The following UGT2A1 variants were observed in gnomAD, a reference collection of about 807,000 sequenced individuals.
The protein encoded by UGT2A1 is UDP-glucuronosyltransferase 2A1.
Under a neutral mutation model 45.4 loss-of-function variants are expected in UGT2A1, and 61 were observed. The observed-to-expected ratio is 1.34, with a 90% confidence interval of 1.09 to 1.66. The LOEUF (loss-of-function observed/expected upper bound fraction) is 1.66, where lower values mean the gene tolerates loss of function less well. Among genes scored for constraint, UGT2A1 ranks in the 40% most tolerant of loss-of-function variants. The pLI is 0.00. For missense variants in UGT2A1, 649 were observed against 574.3 expected, an observed-to-expected ratio of 1.13 and a Z score of -1.33; for synonymous variants, 229 against 196.2, an observed-to-expected ratio of 1.17 and a Z score of -1.40.
chr4:69,650,886 A>G (rs748996362), intron 1 of UGT2A1, among the ~76,000 whole-genome samples: 1 of 152,302 alleles, frequency 6.6e-6, no homozygotes, highest in South Asian at 2.1e-4. Flanking sequence ...GAAAGTCTTC[A>G]TGAAAGGTAT....
chr4:69,603,283 A>G (rs1410364450), intron 3 of UGT2A1, among the ~76,000 whole-genome samples: 1 of 136,434 alleles, frequency 7.3e-6, no homozygotes, highest in Non-Finnish European at 1.6e-5. Context: ...TATAAAGGAA[A>G]GCAGTTAAGA....
chr4:69,632,118 T>A (rs914937019), intron 3 of UGT2A1, among the ~76,000 whole-genome samples: 1 of 152,196 alleles, frequency 6.6e-6, no homozygotes, highest in African/African-American at 2.4e-5. Context: ...CCTATGTGTT[T>A]ATTTTCAATA....
chr4:69,618,805 G>C (rs578110582), intron 3 of UGT2A1, among the ~76,000 whole-genome samples: 75 of 151,854 alleles, frequency 4.9e-4, no homozygotes, highest in South Asian at 1.2e-3. Context: ...TTCTTAGACA[G>C]ATGAAAATTA....
At chr4:69,624,392 C>A (rs1487944741) in intron 3 of UGT2A1, among the ~76,000 whole-genome samples, 2 of 150,842 alleles carry the variant, frequency 1.3e-5, no homozygotes, top group African/African-American at 2.4e-5. Flanking sequence ...TTTAGTCTTG[C>A]TTTTTTTAAA....
At chr4:69,645,991 T>C (rs1722242434) in intron 2 of UGT2A1, among the ~76,000 whole-genome samples, 1 of 151,892 alleles carries the variant, frequency 6.6e-6, no homozygotes, top group Non-Finnish European at 1.5e-5. Context: ...TTATCTGAAC[T>C]CTGAAGTTTT....
chr4:69,646,521 A>G (rs1021638381), intron 2 of UGT2A1, among the ~76,000 whole-genome samples: 3 of 151,840 alleles, frequency 2.0e-5, no homozygotes, highest in Admixed American at 6.6e-5. Context: ...ATCCACATAT[A>G]TGTATGTTCT....
intron 3 of UGT2A1, among the ~76,000 whole-genome samples, chr4:69,601,353 C>T (rs1719278403): frequency 6.6e-6 from 1 of 152,084 alleles, no homozygotes; most frequent in Non-Finnish European, 1.5e-5. Context: ...ACAGAAAGGA[C>T]AGAGAATTTG....
intron 3 of UGT2A1, among the ~76,000 whole-genome samples, chr4:69,600,996 C>A (rs4550998): frequency 1 from 152,055 of 152,110 alleles, 76,000 homozygotes; most frequent in Non-Finnish European, 1. Flanking sequence ...TCTAAACCAT[C>A]TCAGTGGGGA....
intron 2 of UGT2A1, chr4:69,639,378 T>C (rs1721921055): frequency 6.2e-7 from 1 of 1,613,674 alleles, no homozygotes; most frequent in Non-Finnish European, 8.5e-7. Flanking sequence ...ATTGCTCTTC[T>C]TGTAGGAAAC....
intron 4 of UGT2A1, among the ~76,000 whole-genome samples, chr4:69,598,724 C>T (rs962407164): frequency 1.3e-5 from 2 of 151,738 alleles, no homozygotes; most frequent in Admixed American, 6.6e-5. Flanking sequence ...TTTTTTTAAC[C>T]AATTGTTTCC....
chr4:69,639,285 T>G (rs1721912614), intron 2 of UGT2A1: 1 of 1,613,586 alleles, frequency 6.2e-7, no homozygotes, highest in Admixed American at 1.7e-5. Context: ...TTTTCCTAGT[T>G]CTTTGTAGAA....
At chr4:69,620,163 C>A (rs1278878914) in intron 3 of UGT2A1, among the ~76,000 whole-genome samples, 1 of 151,826 alleles carries the variant, frequency 6.6e-6, no homozygotes, top group Non-Finnish European at 1.5e-5. Context: ...AAATAAAAGG[C>A]ATCCAAATAG....
intron 4 of UGT2A1, among the ~76,000 whole-genome samples, 179 bp downstream of exon 4, chr4:69,599,067 T>A (rs1719100580): frequency 1.3e-5 from 2 of 152,150 alleles, no homozygotes; most frequent in Admixed American, 1.3e-4. Context: ...AAATTGTCAA[T>A]GTAAAGTTCA....
At chr4:69,589,892 A>T (rs137925293) in intron 6 of UGT2A1, among the ~76,000 whole-genome samples, 1 of 152,218 alleles carries the variant, frequency 6.6e-6, no homozygotes, top group Non-Finnish European at 1.5e-5. Context: ...AGAGTAAGCC[A>T]GTTGTAAATA....
Position 69,599,306 on chromosome 4 carries a change from G to T in UGT2A1, c.936C>A (p.Tyr312Ter). The T allele has an allele frequency of 6.2e-7, 1 of 1,613,876 alleles. No homozygotes were observed. The highest frequency in any genetic ancestry group is 8.5e-7 in the Non-Finnish European group (1 of 1,179,936). Residue 312 changes from tyrosine to a stop codon, truncating the protein, a stop_gained, in exon 4 of 7, where the codon TAC (tyrosine) becomes TAA (stop). Coordinates refer to ENST00000286604, the MANE Select transcript of UGT2A1 (RefSeq NM_001252275.3). LOFTEE classifies it high-confidence loss of function. ...TYWDFEFPRPYLPNFEFVGGL... is the reference protein window; with the variant it reads ...TYWDFEFPRP Reference sequence around the variant, plus strand: ...CTCCAACAAACTCAAAATTAGGTAAGTATGGACGAGGAAATTCAAAATCCC... The same window carrying T: ...CTCCAACAAACTCAAAATTAGGTAATTATGGACGAGGAAATTCAAAATCCC...
chr4:69,639,313 G>A (rs756886134), intron 2 of UGT2A1: 5 of 1,613,708 alleles, frequency 3.1e-6, no homozygotes, highest in Admixed American at 1.7e-5. Flanking sequence ...ATTGTGAGAG[G>A]AGTTGGTCTA....
chr4:69,625,662 CAT>C (rs1464544457), intron 3 of UGT2A1, among the ~76,000 whole-genome samples: 1 of 150,638 alleles, frequency 6.6e-6, no homozygotes, highest in Non-Finnish European at 1.5e-5. Context: ...TTCTTTTGGC[CAT>C]ACCCTATTTT....
At chr4:69,629,160 T>A (rs1034999845) in intron 3 of UGT2A1, among the ~76,000 whole-genome samples, 1 of 151,906 alleles carries the variant, frequency 6.6e-6, no homozygotes, top group African/African-American at 2.4e-5. Context: ...TATTCACACA[T>A]GCTACTCTGA....
At chr4:69,616,041 G>GA (rs1274313446) in intron 3 of UGT2A1, among the ~76,000 whole-genome samples, 3 of 151,966 alleles carry the variant, frequency 2.0e-5, no homozygotes, top group African/African-American at 7.2e-5. Context: ...ACGGACAAGT[G>GA]AAAATCCCGT....
Sources: gnomAD v4.1 joint callset for allele counts (sites outside exome capture counted in the v4.1 genomes callset) on GRCh38, gnomAD v4.1.1 for gene constraint, MANE v1.5 for transcripts, NCBI Gene and HGNC (gene_info 2026-07-23, HGNC 2026-07-21) for gene names.